Variants in BCL10 observed in about 807,000 individuals in gnomAD.
The protein encoded by BCL10 is B-cell lymphoma/leukemia 10.
BCL10 carries 5 observed loss-of-function variants against 19.2 expected under a neutral mutation model. That is an observed-to-expected ratio of 0.26 (90% CI 0.14 to 0.55). The LOEUF (loss-of-function observed/expected upper bound fraction) is 0.55, where lower values mean the gene tolerates loss of function less well. Among genes scored for constraint, BCL10 ranks in the 20% least tolerant of loss-of-function variants. BCL10 has a pLI of 0.94. For missense variants in BCL10, 201 were observed against 271.9 expected (o/e 0.74, Z 1.83); for synonymous variants, 110 against 98.8 (o/e 1.11, Z -0.67).
chr1:85,272,243 A>G (rs1660386114), intron 1 of BCL10, among the ~76,000 whole-genome samples: 1 of 152,014 alleles, frequency 6.6e-6, no homozygotes, highest in Admixed American at 6.6e-5. Context: ...GAATTTTACT[A>G]AATTTTTTTT....
At chr1:85,276,255 AGCCCGCCCCC>A in intron 1 of BCL10, 31 bp downstream of exon 1, 3 of 1,598,236 alleles carry the variant, frequency 1.9e-6, no homozygotes, top group East Asian at 2.2e-5. Flanking sequence ...GCTGGGCTGC[AGCCCGCCCCC>A]GCCCGCCCTG....
At chr1:85,271,020 C>A in intron 1 of BCL10, 114 bp from the exon 2 acceptor site, 2 of 1,039,468 alleles carry the variant, frequency 1.9e-6, no homozygotes, top group Non-Finnish European at 1.4e-6. Context: ...AGTCAGGAGG[C>A]TCAGGCCTTC....
At position 85,276,363 on chromosome 1, in the gene BCL10, G is replaced by C. The variant is rs747398498; in HGVS notation, c.-11C>G. On this transcript the variant is annotated 5_prime_UTR_variant, in exon 1 of 3. Coordinates refer to ENST00000648566, the MANE Select transcript of BCL10 (RefSeq NM_003921.5). Reference sequence around the variant, plus strand: ...TGCGGTGGGCTCCATGGTGGAGGCGGGAGATGGCGCTTCTTCCGGGTCCGG... The same window carrying C: ...TGCGGTGGGCTCCATGGTGGAGGCGCGAGATGGCGCTTCTTCCGGGTCCGG... 1 of 1,613,250 alleles carries C rather than the reference G, an allele frequency of 6.2e-7. No homozygotes were observed. The highest frequency in any genetic ancestry group is 2.2e-5 in the East Asian group (1 of 44,838).
intron 1 of BCL10, among the ~76,000 whole-genome samples, chr1:85,272,421 T>TG (rs1370939653): frequency 2.7e-5 from 4 of 149,398 alleles, no homozygotes; most frequent in Middle Eastern, 3.2e-3. Flanking sequence ...TTTTTTTTTT[T>TG]GTAGAGAAGG....
chr1:85,272,410 T>TA (rs958753881), intron 1 of BCL10, among the ~76,000 whole-genome samples: 1 of 150,798 alleles, frequency 6.6e-6, no homozygotes, highest in African/African-American at 2.4e-5. Flanking sequence ...TTAATTTTTT[T>TA]TTTTTTTTTT....
At chr1:85,272,733 C>T (rs971177501) in intron 1 of BCL10, among the ~76,000 whole-genome samples, 1 of 152,090 alleles carries the variant, frequency 6.6e-6, no homozygotes, top group Non-Finnish European at 1.5e-5. Context: ...CAAGTTACTT[C>T]ACCACTCCAA....
At chr1:85,275,386 T>G (rs1031636532) in intron 1 of BCL10, among the ~76,000 whole-genome samples, 1 of 152,226 alleles carries the variant, frequency 6.6e-6, no homozygotes, top group Admixed American at 6.5e-5. Flanking sequence ...ACACCAATTG[T>G]GAGTACAGTG....
Position 85,276,435 on chromosome 1 carries a change from G to A in BCL10, c.-83C>T. ...GCCCTGGCTGGGGGCTTCGGCCTCC[G>A]GGTAATGGGGAAGAAGGAGAGGAGG... is the stretch of plus-strand genomic sequence containing the variant. On this transcript the variant is annotated 5_prime_UTR_variant, in exon 1 of 3. Coordinates refer to ENST00000648566, the MANE Select transcript of BCL10 (RefSeq NM_003921.5). The A allele has an allele frequency of 2.7e-6, 4 of 1,482,116 alleles. No individual in the cohort carries two copies. Among genetic ancestry groups the A allele is most frequent in the African/African-American group, 1.4e-5 (1 of 72,360 alleles). 91.8% of individuals were successfully genotyped at this position (1,482,116 alleles called of 1,614,324 possible). A position where few individuals can be genotyped will look rare whatever the true frequency, so the allele number is the denominator to read the frequency against.
chr1:85,276,552 G>T lies in BCL10; in HGVS notation c.-200C>A, dbSNP rs904056185. ...CGCTTCCGGCCCCGCCTCTGAGGTC[G>T]ACGGCGACGCGAATCTACGCGACGC... On this transcript the variant is annotated 5_prime_UTR_variant, in exon 1 of 3. Transcript: ENST00000648566. 1 of 612,952 alleles carries T rather than the reference G, an allele frequency of 1.6e-6. No homozygotes were observed. Among genetic ancestry groups the T allele is most frequent in the Admixed American group, 2.9e-5 (1 of 34,072 alleles). 38.0% of individuals were successfully genotyped at this position (612,952 alleles called of 1,614,324 possible).
In BCL10 at chr1:85,267,909, C is replaced by T. The variant is rs1450897761; in HGVS notation, c.420G>A (p.Glu140=). ...CCCTCAGTTTTTCAGAGAAATTACT[C>T]TCATCTGAATTTGATCTGGAGAGGT... ...TNNLSRSNSD[E]SNFSEKLRAS... Residue 140 remains glutamate, a synonymous_variant, in exon 3 of 3, where the codon GAG becomes GAA. Transcript: ENST00000648566. The T allele has an allele frequency of 6.2e-7, 1 of 1,613,938 alleles. No individual in the cohort carries two copies. The highest frequency in any genetic ancestry group is 8.5e-7 in the Non-Finnish European group (1 of 1,179,938).
intron 1 of BCL10, among the ~76,000 whole-genome samples, chr1:85,275,166 G>A (rs1404628662): frequency 6.6e-6 from 1 of 152,094 alleles, no homozygotes; most frequent in Non-Finnish European, 1.5e-5. Flanking sequence ...CACTCACCAT[G>A]AATAAGACAA....
chr1:85,270,533 T>C (rs1660341660), intron 2 of BCL10, 85 bp downstream of exon 2: 2 of 1,292,932 alleles, frequency 1.5e-6, no homozygotes, highest in Admixed American at 2.7e-5. Flanking sequence ...CTTGGCCTCC[T>C]AAAGTGCAGG....
rs1660208564 is a variant in BCL10 at position 85,266,876 on chromosome 1, C to CAACAAAAAA, written c.*750_*751insTTTTTTGTT. 1.1e-5 allele frequency: 1 copy of CAACAAAAAA among 88,080 alleles called. No individual in the cohort carries two copies. The allele number at this position is 88,080 out of a possible 1,614,324, so 5.5% of individuals were successfully genotyped here. On this transcript the variant is annotated 3_prime_UTR_variant, in exon 3 of 3. Coordinates refer to ENST00000648566, the MANE Select transcript of BCL10 (RefSeq NM_003921.5). ...CCTGGGCGATAGAGCAAGACTGTCT[C>CAACAAAAAA]AAAAAAAAAAAAAAAAAAAAAAGAA...
At chr1:85,275,797 T>G (rs1042754524) in intron 1 of BCL10, among the ~76,000 whole-genome samples, 8 of 152,216 alleles carry the variant, frequency 5.3e-5, no homozygotes, top group Admixed American at 3.9e-4. Flanking sequence ...GGCGTCTGCT[T>G]ACTAGGGGAA....
rs538273638 is a variant in BCL10, at chr1:85,270,609, A to G, written c.346+9T>C. The stretch of plus-strand genomic sequence containing the variant: ...TTAAATTAGCTCTTAGATAATTAAG[A>G]TATCTTACCTTTCAGATGTTCTAGT... On this transcript the variant is annotated intron_variant, in intron 2 of 2. Coordinates refer to ENST00000648566, the MANE Select transcript of BCL10 (RefSeq NM_003921.5). 8.0e-5 allele frequency: 127 copies of G among 1,586,204 alleles called. 1 individual carries two copies. In the South Asian group the frequency reaches 1.4e-3, roughly 17 times the overall value.
At chr1:85,275,108 A>G (rs1435303047) in intron 1 of BCL10, among the ~76,000 whole-genome samples, 1 of 152,254 alleles carries the variant, frequency 6.6e-6, no homozygotes, top group Non-Finnish European at 1.5e-5. Context: ...GTGACACAGC[A>G]TCTGGAACAT....
At chr1:85,274,077 T>C (rs1274219475) in intron 1 of BCL10, among the ~76,000 whole-genome samples, 11 of 152,230 alleles carry the variant, frequency 7.2e-5, no homozygotes, top group Admixed American at 7.2e-4. Flanking sequence ...GTCAAATCTT[T>C]CAGGAATCAG....
Position 85,276,480 on chromosome 1 carries a change from G to T in BCL10, c.-128C>A. On this transcript the variant is annotated 5_prime_UTR_variant, in exon 1 of 3. Coordinates refer to ENST00000648566, the MANE Select transcript of BCL10 (RefSeq NM_003921.5). ...AGGAGGCGGAGCGGGTCGGGAGAAA[G>T]ACGGCCGCCCCTTCGGGAACAGAGG... The T allele has an allele frequency of 9.4e-7, 1 of 1,064,538 alleles. No individual in the cohort carries two copies. Among genetic ancestry groups the T allele is most frequent in the South Asian group, 1.4e-5 (1 of 72,818 alleles). The allele number at this position is 1,064,538 out of a possible 1,614,324, so 65.9% of individuals were successfully genotyped here. A position where few individuals can be genotyped will look rare whatever the true frequency, so the allele number is the denominator to read the frequency against.
chr1:85,271,471 G>C (rs541606442), intron 1 of BCL10, among the ~76,000 whole-genome samples: 2 of 152,110 alleles, frequency 1.3e-5, no homozygotes, highest in Non-Finnish European at 2.9e-5. Flanking sequence ...TGGTGGAAGG[G>C]AGATGGAAAG....
Sources: allele counts gnomAD v4.1 joint callset (sites outside exome capture counted in the v4.1 genomes callset), GRCh38; gene constraint gnomAD v4.1.1; transcripts MANE v1.5; gene names NCBI Gene and HGNC (gene_info 2026-07-23, HGNC 2026-07-21).